Variants in CDH17 observed in about 807,000 individuals in gnomAD.
CDH17 encodes cadherin 17, also known as cadherin-17.
A neutral mutation model predicts 86.3 loss-of-function variants in CDH17; 67 were observed. The observed-to-expected ratio is 0.78, with a 90% CI of 0.64 to 0.95. CDH17 has a LOEUF of 0.95. Among genes scored for constraint, CDH17 ranks in the 40% least tolerant of loss-of-function variants. CDH17 has a pLI of 0.00. For missense variants in CDH17, 993 were observed against 1,017.6 expected (o/e 0.98, Z 0.33); for synonymous variants, 367 against 366.4 (o/e 1.00, Z -0.02).
intron 3 of CDH17, among the ~76,000 whole-genome samples, chr8:94,180,732 A>G (rs546785804): frequency 1.3e-5 from 2 of 152,178 alleles, no homozygotes; most frequent in South Asian, 4.2e-4. Flanking sequence ...CATCTCTACT[A>G]AAAACACAAA....
At chr8:94,159,719 T>C (rs1813013396) in intron 12 of CDH17, among the ~76,000 whole-genome samples, 1 of 152,194 alleles carries the variant, frequency 6.6e-6, no homozygotes, top group Non-Finnish European at 1.5e-5. Context: ...CTGCATTTTA[T>C]ATATTTTATA....
Position 94,145,797 on chromosome 8 carries a change from T to C in CDH17, c.2167+131A>G, listed in dbSNP as rs895474995. 7.7e-6 allele frequency: 8 copies of C among 1,044,582 alleles called. No individual in the cohort carries two copies. In the Admixed American group the frequency reaches 1.5e-4, roughly 19 times the overall value. 64.7% of individuals were successfully genotyped at this position (1,044,582 alleles called of 1,614,324 possible). On this transcript the variant is annotated intron_variant, in intron 15 of 17. Transcript: ENST00000027335. Reference sequence around the variant, plus strand: ...TCTGGAGTCCTTCCCTGTACAAGCTTCCAAAGCATGAACTTCCTTCCTGAA... The same window carrying C: ...TCTGGAGTCCTTCCCTGTACAAGCTCCCAAAGCATGAACTTCCTTCCTGAA...
Position 94,187,399 on chromosome 8 carries a change from C to T in CDH17, c.150+1788G>A, listed in dbSNP as rs930775340. Among the ~76,000 whole-genome samples the T allele has an allele frequency of 2.0e-4, 31 of 152,296 alleles. No individual in the cohort carries two copies. In the East Asian group the frequency reaches 4.1e-3, roughly 20 times the overall value. ...AAGCTCACCGGAGCAGGGATGGAGT[C>T]GGGGTCATCCCATATCCCCAGTACC... is the stretch of plus-strand genomic sequence containing the variant. On this transcript the variant is annotated intron_variant, in intron 3 of 17. Coordinates refer to ENST00000027335, the MANE Select transcript of CDH17 (RefSeq NM_004063.4).
chr8:94,137,613 A>G (rs1812556365), intron 15 of CDH17, among the ~76,000 whole-genome samples: 1 of 152,068 alleles, frequency 6.6e-6, no homozygotes, highest in African/African-American at 2.4e-5. Flanking sequence ...GCGACACCCC[A>G]CCCAGTTCAG....
intron 15 of CDH17, among the ~76,000 whole-genome samples, chr8:94,141,766 A>G (rs1812642833): frequency 6.6e-6 from 1 of 152,210 alleles, no homozygotes; most frequent in Non-Finnish European, 1.5e-5. Context: ...ATGTTCATGA[A>G]TTGGAAGACT....
At chr8:94,199,079 ATATATT>A (rs1407918014) in intron 1 of CDH17, among the ~76,000 whole-genome samples, 116 of 8,764 alleles carry the variant, frequency 0.013, no homozygotes, top group South Asian at 0.038. Flanking sequence ...ATATATATAT[ATATATT>A]TTTTTTTTTT....
chr8:94,159,401 G>A (rs2130616240), intron 12 of CDH17, among the ~76,000 whole-genome samples: 1 of 152,256 alleles, frequency 6.6e-6, no homozygotes, highest in East Asian at 1.9e-4. Context: ...TTAAACCTTG[G>A]AAGGAGACCC....
chr8:94,143,536 C>G (rs74495688), intron 15 of CDH17, among the ~76,000 whole-genome samples: 3,461 of 152,304 alleles, frequency 0.023, 126 homozygotes, highest in African/African-American at 0.079. Flanking sequence ...CAGGCATTTA[C>G]TTCTCTAGCT....
intron 11 of CDH17, among the ~76,000 whole-genome samples, chr8:94,160,858 A>T (rs1813038252): frequency 6.6e-6 from 1 of 152,206 alleles, no homozygotes; most frequent in African/African-American, 2.4e-5. Context: ...AGGCTTGGAG[A>T]AGTAAAACCC....
Position 94,139,466 on chromosome 8 carries a change from GATC to G in CDH17, c.2167+6459_2167+6461del, listed in dbSNP as rs1812593744. Among the ~76,000 whole-genome samples the G allele has an allele frequency of 3.3e-5, 5 of 152,250 alleles. No homozygotes were observed. The South Asian group carries it at 1.0e-3, about 32-fold the overall frequency. ...AACTCCAAATCCTCAGATCCAAGAT[GATC>G]ATCAAACTTCAGGAATAAGAAAAAT... is the stretch of plus-strand genomic sequence containing the variant. On this transcript the variant is annotated intron_variant, in intron 15 of 17. Coordinates refer to ENST00000027335, the MANE Select transcript of CDH17 (RefSeq NM_004063.4).
At chr8:94,211,867 G>A (rs971677049), upstream of CDH17, among the ~76,000 whole-genome samples, 46 of 152,076 alleles carry the variant, frequency 3.0e-4, 1 homozygote, top group Admixed American at 2.6e-3. Context: ...GTACTTCTTA[G>A]GACTCAACTC....
At position 94,148,724 on chromosome 8, in the gene CDH17, T is replaced by G. The variant is rs1713052613; in HGVS notation, c.1927+20A>C. ...TAATCTGTGTTCCTTTTTTTTTGTT[T>G]TTTTTTTTTTTTTGCTTACCTACTT... On this transcript the variant is annotated intron_variant, in intron 14 of 17. Coordinates refer to ENST00000027335, the MANE Select transcript of CDH17 (RefSeq NM_004063.4). The G allele has an allele frequency of 2.8e-5, 36 of 1,269,604 alleles. No individual in the cohort carries two copies. Among genetic ancestry groups the G allele is most frequent in the Non-Finnish European group, 3.0e-5 (29 of 975,510 alleles). The allele number at this position is 1,269,604 out of a possible 1,614,324, so 78.6% of individuals were successfully genotyped here. A position where few individuals can be genotyped will look rare whatever the true frequency, so the allele number is the denominator to read the frequency against.
intron 12 of CDH17, among the ~76,000 whole-genome samples, chr8:94,156,671 C>T (rs956135294): frequency 6.6e-6 from 1 of 152,180 alleles, no homozygotes; most frequent in Non-Finnish European, 1.5e-5. Flanking sequence ...CCTCAGTATG[C>T]ACCATCTGAC....
chr8:94,156,740 G>A (rs1271700690), intron 12 of CDH17, among the ~76,000 whole-genome samples: 2 of 152,190 alleles, frequency 1.3e-5, no homozygotes, highest in Non-Finnish European at 2.9e-5. Context: ...CCTGTCCGCA[G>A]GTAGAATCCT....
chr8:94,174,141 T>A lies in CDH17; in HGVS notation c.544A>T (p.Ile182Phe), dbSNP rs1301526612. The A allele has an allele frequency of 6.2e-7, 1 of 1,613,740 alleles. No homozygotes were observed. Among genetic ancestry groups the A allele is most frequent in the East Asian group, 2.2e-5 (1 of 44,886 alleles). The change falls in exon 6 of 18, where the codon ATC becomes TTC. Residue 182 changes from isoleucine (I) to phenylalanine (F), a missense_variant. By Grantham distance (21) the Ile-to-Phe change is conservative. Transcript: ENST00000027335. ...GAGATGGCTCCCGTTTTGTTGTTGATCTGAAAGTACATGACATTGTTGATC... is the reference window on the plus strand; with the variant it reads ...GAGATGGCTCCCGTTTTGTTGTTGAACTGAAAGTACATGACATTGTTGATC... Reference protein sequence around the residue: ...PMINNVMYFQINNKTGAISLT... With the variant: ...PMINNVMYFQFNNKTGAISLT...
upstream of CDH17, among the ~76,000 whole-genome samples, chr8:94,212,215 G>A (rs1363904587): frequency 6.6e-6 from 1 of 152,218 alleles, no homozygotes; most frequent in Non-Finnish European, 1.5e-5. Flanking sequence ...GAGTGCAGTG[G>A]TGCGATCTCG....
At chr8:94,156,318 G>A (rs1812948602) in intron 12 of CDH17, among the ~76,000 whole-genome samples, 1 of 152,130 alleles carries the variant, frequency 6.6e-6, no homozygotes, top group African/African-American at 2.4e-5. Flanking sequence ...ATTTGGTCTG[G>A]TTAAAAATAG....
At chr8:94,193,956 G>C (rs907963658) in intron 2 of CDH17, among the ~76,000 whole-genome samples, 9 of 151,398 alleles carry the variant, frequency 5.9e-5, no homozygotes, top group Non-Finnish European at 1.2e-4. Context: ...AAAAAAAAGA[G>C]AGCAAATGCT....
At chr8:94,146,280 G>T (rs1316839582) in intron 14 of CDH17, 113 bp from the exon 15 acceptor site, 2 of 946,040 alleles carry the variant, frequency 2.1e-6, no homozygotes, top group Non-Finnish European at 2.9e-6. Context: ...ATGCTAGAAA[G>T]ACGACAAGCT....
Sources: allele counts gnomAD v4.1 joint callset (sites outside exome capture counted in the v4.1 genomes callset), GRCh38; gene constraint gnomAD v4.1.1; transcripts MANE v1.5; gene names NCBI Gene and HGNC (gene_info 2026-07-23, HGNC 2026-07-21).